The following NFKBID variants were observed in gnomAD, a reference collection of about 807,000 sequenced individuals.
NFKBID encodes NFKB inhibitor delta.
A neutral mutation model predicts 53.4 loss-of-function variants in NFKBID; 26 were observed. That is an observed-to-expected ratio of 0.49 (90% CI 0.36 to 0.68). The LOEUF is 0.68. NFKBID is among the 30% of genes least tolerant of loss of function. The probability of loss-of-function intolerance (pLI) is 0.00; values close to 1 mark genes in which losing one functional copy is unlikely to be tolerated. For missense variants in NFKBID, 493 were observed against 614.1 expected, an observed-to-expected ratio of 0.80 and a Z score of 2.08; for synonymous variants, 262 against 259.8, an observed-to-expected ratio of 1.01 and a Z score of -0.08.
chr19:35,890,473 C>T (rs752317997), exon 10 of NFKBID: 3 of 1,613,364 alleles, frequency 1.9e-6, no homozygotes, highest in Non-Finnish European at 1.7e-6. Context: ...GCAGAACTGT[C>T]TTGTTGCTCT....
At position 35,898,325 on chromosome 19, in the gene NFKBID, G is replaced by A. The variant is rs192949037; in HGVS notation, c.226+147C>T. On this transcript the variant is annotated intron_variant, in intron 3 of 11. Coordinates refer to ENST00000641389, the Ensembl canonical transcript of NFKBID. The stretch of plus-strand genomic sequence containing the variant: ...TAGCGCCACTGCACTCCAGTGCCAG[G>A]GCAACAGAGTGAGATCCTGTCTCAG... 7.7e-4 allele frequency: 501 copies of A among 651,136 alleles called. 5 individuals carry two copies. In the African/African-American group the frequency reaches 8.5e-3, roughly 11 times the overall value. The allele number at this position is 651,136 out of a possible 1,614,324, so 40.3% of individuals were successfully genotyped here.
chr19:35,896,277 G>A lies in NFKBID; in HGVS notation c.832-8C>T, dbSNP rs766564738. The A allele has an allele frequency of 2.5e-6, 4 of 1,614,072 alleles. No homozygotes were observed. The highest frequency in any genetic ancestry group is 1.1e-5 in the South Asian group (1 of 91,088). ...CCCAGAGTTAAGCACAGCCTGGGAGGAAGAGAAGGCAGACTGCTGGGTAAG... is the reference window on the plus strand; with the variant it reads ...CCCAGAGTTAAGCACAGCCTGGGAGAAAGAGAAGGCAGACTGCTGGGTAAG... On this transcript the variant is annotated splice_polypyrimidine_tract_variant and splice_region_variant and intron_variant, in intron 7 of 11. Transcript: ENST00000641389. This position sits in a 1 kb window ranked among gnomAD's most constrained non-coding sequence, Gnocchi z 5.7.
Position 35,896,637 on chromosome 19 carries a change from C to G in NFKBID, c.684+89G>C, listed in dbSNP as rs1599619149. 1.3e-6 allele frequency: 2 copies of G among 1,526,156 alleles called. No homozygotes were observed. Among genetic ancestry groups the G allele is most frequent in the Non-Finnish European group, 1.8e-6 (2 of 1,110,140 alleles). The allele number at this position is 1,526,156 out of a possible 1,614,324, so 94.5% of individuals were successfully genotyped here. The stretch of plus-strand genomic sequence containing the variant: ...CCCCCTCAGCCCCAGGAGCTCACCC[C>G]CCATTCCCCTCTTCTCTAGGATCCA... On this transcript the variant is annotated intron_variant, in intron 6 of 11. Transcript: ENST00000641389. This position sits in a 1 kb window ranked among gnomAD's most constrained non-coding sequence, Gnocchi z 5.7.
chr19:35,898,626 C>G, intron 2 of NFKBID, 93 bp downstream of exon 2: 1 of 1,402,174 alleles, frequency 7.1e-7, no homozygotes, highest in South Asian at 1.3e-5. Context: ...CGGTCAGGAC[C>G]ACCCCTCTCA....
intron 10 of NFKBID, 97 bp downstream of exon 10, chr19:35,890,277 C>T (rs1974666053): frequency 5.4e-6 from 5 of 928,030 alleles, no homozygotes; most frequent in East Asian, 2.5e-5. Context: ...TCCCACACAT[C>T]GTCCCCTCCA....
At chr19:35,900,652 G>C, upstream of NFKBID, 1 of 1,228,784 alleles carries the variant, frequency 8.1e-7, no homozygotes, top group Non-Finnish European at 1.0e-6. Flanking sequence ...TCCGGCGAAC[G>C]CAGTCCCTGA....
rs1008100940 is a variant in NFKBID, at chr19:35,896,467, C to T, written c.756G>A (p.Glu252=). Residue 252 remains glutamate, a synonymous_variant, in exon 7 of 12, where the codon GAG becomes GAA. Transcript: ENST00000641389. This position sits in a 1 kb window ranked among gnomAD's most constrained non-coding sequence, Gnocchi z 5.7. The stretch of plus-strand genomic sequence containing the variant: ...GTCCCTGATGGTCAGCGGCATTGGG[C>T]TCTGCTCCCAGGTTCAACAGATCCT... The T allele has an allele frequency of 4.3e-6, 7 of 1,614,050 alleles. No individual in the cohort carries two copies. Among genetic ancestry groups the T allele is most frequent in the African/African-American group, 1.3e-5 (1 of 74,920 alleles).
chr19:35,896,543 A>G lies in NFKBID; in HGVS notation c.685-5T>C. 1 of 1,613,722 alleles carries G rather than the reference A, an allele frequency of 6.2e-7. No individual in the cohort carries two copies. The highest frequency in any genetic ancestry group is 1.1e-5 in the South Asian group (1 of 91,080). ...AGCCGCCACCAGGAGAGGGGTCTGC[A>G]GGCCACAGGAGAAGTCAGGTTGGGC... On this transcript the variant is annotated splice_polypyrimidine_tract_variant and splice_region_variant and intron_variant, in intron 6 of 11. Coordinates refer to ENST00000641389, the Ensembl canonical transcript of NFKBID. This position sits in a 1 kb window ranked among gnomAD's most constrained non-coding sequence, Gnocchi z 5.7.
At chr19:35,901,791 T>C, upstream of NFKBID, 1 of 216,706 alleles carries the variant, frequency 4.6e-6, no homozygotes, top group South Asian at 5.8e-5. Context: ...GAACTCCTGA[T>C]CTCAGGTGAT....
intron 11 of NFKBID, 136 bp downstream of exon 11, chr19:35,889,754 G>A (rs904690365): frequency 2.3e-6 from 2 of 867,776 alleles, no homozygotes; most frequent in Non-Finnish European, 3.6e-6. Flanking sequence ...TATAGAGTCA[G>A]GGTTGCCTGA....
intron 9 of NFKBID, among the ~76,000 whole-genome samples, chr19:35,894,853 C>T (rs778301453): frequency 5.3e-5 from 8 of 151,826 alleles, no homozygotes; most frequent in African/African-American, 9.7e-5. Flanking sequence ...ATTAGCTGGA[C>T]GTGGTGGTGG....
chr19:35,888,745 A>G (rs1974550494), intron 11 of NFKBID, 133 bp from the exon 12 acceptor site: 1 of 694,160 alleles, frequency 1.4e-6, no homozygotes, highest in Middle Eastern at 3.8e-4. Flanking sequence ...TCAGAGGTCC[A>G]GAGTCAAGAT....
At chr19:35,890,193 G>A in intron 10 of NFKBID, 139 bp from the exon 11 acceptor site, 2 of 936,216 alleles carry the variant, frequency 2.1e-6, no homozygotes, top group Non-Finnish European at 3.2e-6. Context: ...CAGCCACGCT[G>A]CATGCATCCC....
At chr19:35,893,878 G>C (rs1402838665) in intron 9 of NFKBID, among the ~76,000 whole-genome samples, 1 of 151,554 alleles carries the variant, frequency 6.6e-6, no homozygotes. Context: ...CTGGCCATGA[G>C]TGGCTGGTTA....
chr19:35,902,258 A>T, upstream of NFKBID: 2 of 704,294 alleles, frequency 2.8e-6, no homozygotes, highest in Non-Finnish European at 5.2e-6. Flanking sequence ...TTGGCTGTCT[A>T]GGATCCCTCT....
intron 10 of NFKBID, 132 bp from the exon 11 acceptor site, chr19:35,890,186 C>T: frequency 1.0e-6 from 1 of 981,724 alleles, no homozygotes; most frequent in Admixed American, 2.5e-5. Context: ...CCGGCCACAG[C>T]CACGCTGCAT....
chr19:35,891,355 G>A (rs1026536351), intron 9 of NFKBID, among the ~76,000 whole-genome samples: 4 of 151,978 alleles, frequency 2.6e-5, no homozygotes, highest in Non-Finnish European at 4.4e-5. Flanking sequence ...TAGTTTGCTC[G>A]TCCAAAAAAT....
Position 35,893,745 on chromosome 19 carries a change from G to A in NFKBID, c.1032+2235C>T, listed in dbSNP as rs545596817. ...TGAGGCAGGAGAATGGTGTGAACCC[G>A]GGAGGCGGAGCTTACAGTGAGCCGA... On this transcript the variant is annotated intron_variant, in intron 9 of 11. Transcript: ENST00000641389. Among the ~76,000 whole-genome samples the A allele has an allele frequency of 4.3e-4, 65 of 151,518 alleles. 1 individual carries two copies. Among genetic ancestry groups the A allele is most frequent in the African/African-American group, 1.5e-3 (62 of 41,284 alleles).
At chr19:35,901,908 T>C (rs1194630275), upstream of NFKBID, 7 of 474,198 alleles carry the variant, frequency 1.5e-5, no homozygotes, top group Admixed American at 7.5e-5. Flanking sequence ...CCTCCCTCTT[T>C]CTCCATTTCC....
Sources: allele counts gnomAD v4.1 joint callset (sites outside exome capture counted in the v4.1 genomes callset), GRCh38; gene constraint gnomAD v4.1.1; non-coding constraint Gnocchi (gnomAD v3.1); transcripts MANE v1.5; gene names NCBI Gene and HGNC (gene_info 2026-07-23, HGNC 2026-07-21).